The following RGS7 variants were observed in gnomAD, a reference collection of about 807,000 sequenced individuals.
RGS7 encodes the protein regulator of G-protein signaling 7.
A neutral mutation model predicts 81.1 loss-of-function variants in RGS7; 27 were observed. The ratio of observed to expected loss-of-function variants is 0.33; its 90% CI spans 0.25 to 0.46. RGS7 has a LOEUF of 0.46. Ranked by LOEUF, RGS7 falls within the 20% of genes least tolerant of loss-of-function variation. RGS7 has a pLI of 1.00. For missense variants in RGS7, 396 were observed against 607.4 expected (o/e 0.65, Z 3.66); for synonymous variants, 208 against 207.7 (o/e 1.00, Z -0.01).
At chr1:241,071,321 C>T (rs575177775) in intron 3 of RGS7, among the ~76,000 whole-genome samples, 20 of 152,172 alleles carry the variant, frequency 1.3e-4, no homozygotes, top group Admixed American at 7.9e-4. Context: ...AGTAGACATT[C>T]TGTGGTCTCT....
At chr1:240,815,828 C>T (rs920352519) in intron 11 of RGS7, among the ~76,000 whole-genome samples, 13 of 152,160 alleles carry the variant, frequency 8.5e-5, no homozygotes, top group Non-Finnish European at 1.3e-4. Context: ...TAGCATGACT[C>T]CATGGCTGTA....
intron 2 of RGS7, among the ~76,000 whole-genome samples, chr1:241,289,561 T>C (rs1476070222): frequency 6.6e-6 from 1 of 152,198 alleles, no homozygotes; most frequent in Non-Finnish European, 1.5e-5. Context: ...TGTATGAGAA[T>C]TTACGGAACT....
intron 2 of RGS7, among the ~76,000 whole-genome samples, chr1:241,332,607 A>T (rs2082032533): frequency 6.6e-6 from 1 of 152,202 alleles, no homozygotes; most frequent in Non-Finnish European, 1.5e-5. Flanking sequence ...AGAGTCCATG[A>T]AGTATCTAAC....
chr1:241,016,888 A>G (rs958504470), intron 3 of RGS7, among the ~76,000 whole-genome samples: 6 of 152,048 alleles, frequency 3.9e-5, no homozygotes, highest in African/African-American at 1.4e-4. Context: ...TACTCATTGC[A>G]TTTGTTGTGC....
At chr1:241,093,098 T>G (rs978245131) in intron 3 of RGS7, among the ~76,000 whole-genome samples, 1 of 152,196 alleles carries the variant, frequency 6.6e-6, no homozygotes, top group Non-Finnish European at 1.5e-5. Flanking sequence ...ATTGTTTTTT[T>G]CATTAGAAAC....
chr1:241,273,501 T>C (rs1479662374), intron 2 of RGS7, among the ~76,000 whole-genome samples: 4 of 152,140 alleles, frequency 2.6e-5, no homozygotes, highest in African/African-American at 9.7e-5. Context: ...TTGTTTGTTT[T>C]GTTTGTTTGC....
In RGS7 at chr1:240,868,003, AAGAG is replaced by A. The variant is rs934752104; in HGVS notation, c.609+580_609+583del. On this transcript the variant is annotated intron_variant, in intron 9 of 18. Coordinates refer to ENST00000440928, the MANE Select transcript of RGS7 (RefSeq NM_001364886.1). This position sits in a 1 kb window ranked among gnomAD's most constrained non-coding sequence, Gnocchi z 5.1. ...GCCACAGAGCCAGATCCCATAAAAA[AAGAG>A]AGAGAGAGAAAGAAAGAAAAGAAAA... Among the ~76,000 whole-genome samples the A allele has an allele frequency of 7.9e-5, 12 of 151,434 alleles. No homozygotes were observed. Among genetic ancestry groups the A allele is most frequent in the Non-Finnish European group, 1.5e-4 (10 of 67,910 alleles).
At chr1:241,151,824 C>T (rs78215384) in intron 2 of RGS7, among the ~76,000 whole-genome samples, 1,718 of 152,098 alleles carry the variant, frequency 0.011, 40 homozygotes, top group East Asian at 0.06. Context: ...AGTAGAATTC[C>T]TCTTTAATTA....
chr1:241,048,010 G>T (rs1443220536), intron 3 of RGS7, among the ~76,000 whole-genome samples: 1 of 152,086 alleles, frequency 6.6e-6, no homozygotes, highest in East Asian at 1.9e-4. Context: ...AAAGTGCTGG[G>T]ATTATAGGAG....
At chr1:241,147,901 T>C (rs2068461939) in intron 2 of RGS7, among the ~76,000 whole-genome samples, 1 of 146,294 alleles carries the variant, frequency 6.8e-6, no homozygotes, top group Non-Finnish European at 1.5e-5. Flanking sequence ...ATTAAGTCAT[T>C]TTTTTCACTT....
intron 2 of RGS7, among the ~76,000 whole-genome samples, chr1:241,210,440 G>A (rs1306802698): frequency 3.9e-5 from 6 of 152,050 alleles, no homozygotes; most frequent in Non-Finnish European, 7.4e-5. Context: ...GAGCCACCAC[G>A]CCCGGCTCCA....
At chr1:240,981,594 T>C (rs1029504217) in intron 4 of RGS7, among the ~76,000 whole-genome samples, 8 of 152,196 alleles carry the variant, frequency 5.3e-5, no homozygotes, top group African/African-American at 1.9e-4. Context: ...GAGGCTGAAA[T>C]GTGAACTTGG....
At chr1:240,917,494 A>G (rs910828140) in intron 6 of RGS7, among the ~76,000 whole-genome samples, 3 of 152,108 alleles carry the variant, frequency 2.0e-5, no homozygotes, top group Non-Finnish European at 4.4e-5. Context: ...AAGTAGGAAT[A>G]CTCTGTTATG....
At chr1:241,324,538 T>C (rs1304514492) in intron 2 of RGS7, among the ~76,000 whole-genome samples, 1 of 152,156 alleles carries the variant, frequency 6.6e-6, no homozygotes, top group Non-Finnish European at 1.5e-5. Flanking sequence ...CCTTTTTGCA[T>C]TGCATCAGAA....
intron 2 of RGS7, among the ~76,000 whole-genome samples, chr1:241,167,854 CT>C (rs2070391709): frequency 6.6e-6 from 1 of 152,102 alleles, no homozygotes; most frequent in African/African-American, 2.4e-5. Context: ...CTCTTTCCTG[CT>C]GTCAGTTACC....
intron 2 of RGS7, among the ~76,000 whole-genome samples, chr1:241,228,013 G>C (rs954430899): frequency 6.6e-6 from 1 of 152,166 alleles, no homozygotes; most frequent in East Asian, 1.9e-4. Flanking sequence ...TAGCCAACAG[G>C]AGGTGGTGGT....
chr1:240,960,753 A>G lies in RGS7; in HGVS notation c.226+22326T>C, dbSNP rs574899446. ...GTTGCATTTCCTCACAGCTGAAAAT[A>G]CTTTTAAAAGAAAGTAACTATAATA... On this transcript the variant is annotated intron_variant, in intron 4 of 18. Transcript: ENST00000440928. Among the ~76,000 whole-genome samples the G allele has an allele frequency of 1.3e-3, 191 of 152,218 alleles. 1 individual carries two copies. Among genetic ancestry groups the G allele is most frequent in the African/African-American group, 4.4e-3 (183 of 41,534 alleles).
At chr1:241,259,541 T>A (rs1573391980) in intron 2 of RGS7, among the ~76,000 whole-genome samples, 1 of 150,248 alleles carries the variant, frequency 6.7e-6, no homozygotes, top group African/African-American at 2.5e-5. Context: ...TCTCAGCTAC[T>A]CGGGAGGCTA....
At chr1:241,136,681 G>C (rs915099690) in intron 2 of RGS7, among the ~76,000 whole-genome samples, 1 of 152,164 alleles carries the variant, frequency 6.6e-6, no homozygotes, top group African/African-American at 2.4e-5. Context: ...AGAAGATTAC[G>C]TGTTTTGTTC....
Sources: gnomAD v4.1 joint callset for allele counts (sites outside exome capture counted in the v4.1 genomes callset) on GRCh38, gnomAD v4.1.1 for gene constraint, Gnocchi (gnomAD v3.1) non-coding constraint, MANE v1.5 for transcripts, NCBI Gene and HGNC (gene_info 2026-07-23, HGNC 2026-07-21) for gene names.